Variants in NAPA observed in about 807,000 individuals in gnomAD.
NAPA encodes alpha-soluble NSF attachment protein.
A neutral mutation model predicts 48.0 loss-of-function variants in NAPA; 18 were observed. The ratio of observed to expected loss-of-function variants is 0.38; its 90% CI spans 0.26 to 0.56. NAPA has a LOEUF of 0.56. Ranked by LOEUF, NAPA falls within the 20% of genes least tolerant of loss-of-function variation. The pLI is 0.77. For missense variants in NAPA, 315 were observed against 385.0 expected (o/e 0.82, Z 1.52); for synonymous variants, 152 against 149.9 (o/e 1.01, Z -0.10).
intron 2 of NAPA, among the ~76,000 whole-genome samples, chr19:47,502,795 C>T (rs2122763388): frequency 6.6e-6 from 1 of 152,362 alleles, no homozygotes; most frequent in Non-Finnish European, 1.5e-5. Flanking sequence ...CCTCCCCACC[C>T]CTCTCCTCTG....
At chr19:47,490,159 G>A (rs1968204604) in intron 9 of NAPA, among the ~76,000 whole-genome samples, 1 of 149,744 alleles carries the variant, frequency 6.7e-6, no homozygotes, top group South Asian at 2.1e-4. Context: ...TTCGGTGTGT[G>A]TGTGGGGTGT....
chr19:47,507,297 G>A (rs1253122600), intron 1 of NAPA, among the ~76,000 whole-genome samples: 1 of 152,220 alleles, frequency 6.6e-6, no homozygotes, highest in Non-Finnish European at 1.5e-5. Context: ...ACCAACCTCA[G>A]GGACTGCCAT....
chr19:47,484,773 C>G (rs569525560), downstream of NAPA, among the ~76,000 whole-genome samples: 1 of 147,140 alleles, frequency 6.8e-6, no homozygotes, highest in Admixed American at 6.9e-5. Flanking sequence ...GGTGCGATCT[C>G]GGCTCACTGC....
downstream of NAPA, among the ~76,000 whole-genome samples, chr19:47,485,424 T>C (rs1229017830): frequency 6.6e-6 from 1 of 152,216 alleles, no homozygotes; most frequent in East Asian, 1.9e-4. Flanking sequence ...GGTTCCTGTC[T>C]GTGCTGCTTT....
intron 1 of NAPA, among the ~76,000 whole-genome samples, chr19:47,511,887 C>T (rs974357399): frequency 3.9e-5 from 6 of 152,304 alleles, no homozygotes; most frequent in African/African-American, 1.2e-4. Flanking sequence ...TCACTCTCCC[C>T]CACACCAGCT....
chr19:47,487,585 G>A (rs1968107003), downstream of NAPA: 1 of 152,404 alleles, frequency 6.6e-6, no homozygotes, highest in African/African-American at 2.4e-5. Flanking sequence ...GAGAGGGACT[G>A]GTGACTGGCC....
At chr19:47,499,143 G>A (rs1467988425) in intron 3 of NAPA, among the ~76,000 whole-genome samples, 1 of 152,232 alleles carries the variant, frequency 6.6e-6, no homozygotes, top group African/African-American at 2.4e-5. Flanking sequence ...TCTCGCTGGA[G>A]AGCTAGAAAA....
At chr19:47,514,718 C>T in intron 1 of NAPA, 125 bp downstream of exon 1, 2 of 882,074 alleles carry the variant, frequency 2.3e-6, no homozygotes, top group South Asian at 1.6e-5. Context: ...GGCCATGTCA[C>T]CTTATTGCAG....
intron 3 of NAPA, among the ~76,000 whole-genome samples, chr19:47,500,099 C>A (rs1968533938): frequency 1.3e-5 from 2 of 152,204 alleles, no homozygotes; most frequent in South Asian, 4.1e-4. Flanking sequence ...GGTTTCTGTC[C>A]CTAGCACGCT....
At chr19:47,489,974 G>C (rs538683818) in intron 9 of NAPA, among the ~76,000 whole-genome samples, 2 of 152,270 alleles carry the variant, frequency 1.3e-5, no homozygotes, top group African/African-American at 4.8e-5. Flanking sequence ...TGCTCTCAGG[G>C]CAACCTTACC....
chr19:47,491,272 A>G lies in NAPA; in HGVS notation c.667-416T>C, dbSNP rs115199381. 603 of 183,596 alleles carry G rather than the reference A, an allele frequency of 3.3e-3. 5 individuals are homozygous for G. Among genetic ancestry groups the G allele is most frequent in the African/African-American group, 0.014 (581 of 42,090 alleles). The allele number at this position is 183,596 out of a possible 1,614,324, so 11.4% of individuals were successfully genotyped here. A position where few individuals can be genotyped will look rare whatever the true frequency, so the allele number is the denominator to read the frequency against. On this transcript the variant is annotated intron_variant, in intron 8 of 10. Transcript: ENST00000263354. ...TCCAGAGAGGGGCAGTGACCTGCCC[A>G]GGGCACGGTGAGACATGGGGTGGGA...
At position 47,491,947 on chromosome 19, in the gene NAPA, G is replaced by A. The variant is rs1464807473; in HGVS notation, c.666+68C>T. ...GAGCACGTCCCTCTTCGGGGGCAAC[G>A]GGACCTGGCCTGGAGATAAGCACAT... On this transcript the variant is annotated intron_variant, in intron 8 of 10. Coordinates refer to ENST00000263354, the MANE Select transcript of NAPA (RefSeq NM_003827.4). 7.7e-6 allele frequency: 11 copies of A among 1,431,396 alleles called. 1 individual carries two copies. In the East Asian group the frequency reaches 1.4e-4, roughly 18 times the overall value. 88.7% of individuals were successfully genotyped at this position (1,431,396 alleles called of 1,614,324 possible).
chr19:47,507,893 A>G (rs1968724167), intron 1 of NAPA, among the ~76,000 whole-genome samples: 1 of 152,146 alleles, frequency 6.6e-6, no homozygotes, highest in Non-Finnish European at 1.5e-5. Context: ...AGGGCTTGGA[A>G]AGAGGACTGG....
intron 3 of NAPA, chr19:47,496,234 C>G (rs1968419394): frequency 1.3e-5 from 2 of 153,906 alleles, no homozygotes; most frequent in African/African-American, 4.8e-5. Flanking sequence ...GTCGGGAGCC[C>G]TCTGCTCAGT....
At chr19:47,495,744 A>G (rs2122741747) in intron 3 of NAPA, 148 bp from the exon 4 acceptor site, 1 of 712,906 alleles carries the variant, frequency 1.4e-6, no homozygotes, top group African/African-American at 1.8e-5. Context: ...CACACTCTCA[A>G]GGGGCTGGGA....
chr19:47,509,017 A>G (rs1365617391), intron 1 of NAPA, among the ~76,000 whole-genome samples: 1 of 152,002 alleles, frequency 6.6e-6, no homozygotes, highest in African/African-American at 2.4e-5. Context: ...TTGAGACTGC[A>G]ATGAGCTATG....
At chr19:47,510,831 C>T (rs1411021339) in intron 1 of NAPA, among the ~76,000 whole-genome samples, 5 of 152,176 alleles carry the variant, frequency 3.3e-5, no homozygotes, top group Non-Finnish European at 2.9e-5. Flanking sequence ...AGGAAGTCTC[C>T]GTCTTTTTGC....
At chr19:47,490,109 G>A (rs939806250) in intron 9 of NAPA, among the ~76,000 whole-genome samples, 6 of 148,144 alleles carry the variant, frequency 4.1e-5, no homozygotes, top group South Asian at 2.2e-4. Flanking sequence ...GTAGGGGCAC[G>A]TGTGGTGTTT....
At chr19:47,508,355 AACC>A (rs545124882) in intron 1 of NAPA, among the ~76,000 whole-genome samples, 29 of 152,330 alleles carry the variant, frequency 1.9e-4, no homozygotes, top group African/African-American at 6.7e-4. Flanking sequence ...GGAAGCGGGA[AACC>A]ACCAGCTGCC....
Sources: gnomAD v4.1 joint callset for allele counts (sites outside exome capture counted in the v4.1 genomes callset) on GRCh38, gnomAD v4.1.1 for gene constraint, MANE v1.5 for transcripts, NCBI Gene and HGNC (gene_info 2026-07-23, HGNC 2026-07-21) for gene names.